Variants in DOCK1 observed in about 807,000 individuals in gnomAD.
The protein encoded by DOCK1 is dedicator of cytokinesis protein 1.
DOCK1 carries 138 observed loss-of-function variants against 262.7 expected under a neutral mutation model. The ratio of observed to expected loss-of-function variants is 0.53; its 90% CI spans 0.46 to 0.61. The LOEUF (loss-of-function observed/expected upper bound fraction) is 0.61, where lower values mean the gene tolerates loss of function less well. Among genes scored for constraint, DOCK1 ranks in the 20% least tolerant of loss-of-function variants. The pLI is 0.00. For missense variants in DOCK1, 1,908 were observed against 2,370.7 expected (o/e 0.80, Z 4.05); for synonymous variants, 866 against 867.4 (o/e 1.00, Z 0.03).
chr10:127,176,378 G>C lies in DOCK1; in HGVS notation c.2847+48614G>C, dbSNP rs372783138. ...CCGACGTTGTGAGTATGCATTTGCC[G>C]GTGTCCTTACTGACCATGGTTCCTG... On this transcript the variant is annotated intron_variant, in intron 27 of 51. Coordinates refer to ENST00000623213, the MANE Select transcript of DOCK1 (RefSeq NM_001290223.2). This position sits in a 1 kb window ranked among gnomAD's most constrained non-coding sequence, Gnocchi z 4.4. 3.1e-6 allele frequency: 5 copies of C among 1,608,766 alleles called. No homozygotes were observed. Among genetic ancestry groups the C allele is most frequent in the South Asian group, 1.1e-5 (1 of 90,532 alleles).
At chr10:127,017,808 G>A (rs548106474) in intron 12 of DOCK1, among the ~76,000 whole-genome samples, 8 of 54,554 alleles carry the variant, frequency 1.5e-4, no homozygotes, top group Admixed American at 1.2e-3. Context: ...AAAAGATGCC[G>A]TCGTCGTAGA....
intron 23 of DOCK1, among the ~76,000 whole-genome samples, chr10:127,082,838 T>C (rs1200060370): frequency 6.6e-6 from 1 of 152,166 alleles, no homozygotes; most frequent in Non-Finnish European, 1.5e-5. Flanking sequence ...TTGGCTCCCT[T>C]CTTGTCTCTG....
At chr10:127,438,873 C>T (rs762808576) in intron 48 of DOCK1, among the ~76,000 whole-genome samples, 154 bp from the exon 49 acceptor site, 8 of 152,216 alleles carry the variant, frequency 5.3e-5, no homozygotes, top group Non-Finnish European at 1.0e-4. Flanking sequence ...GTCCTTGCAT[C>T]TGGTGACTGT....
At chr10:127,251,934 C>T (rs1051192704) in intron 28 of DOCK1, among the ~76,000 whole-genome samples, 1 of 151,984 alleles carries the variant, frequency 6.6e-6, no homozygotes, top group African/African-American at 2.4e-5. Context: ...ATTTCTAGTT[C>T]TAGATCCCTG....
intron 6 of DOCK1, among the ~76,000 whole-genome samples, chr10:126,993,365 C>T (rs770546221): frequency 7.2e-5 from 11 of 152,182 alleles, no homozygotes; most frequent in Non-Finnish European, 1.5e-4. Context: ...CCATGCCCTA[C>T]CCACAGTAGT....
At chr10:127,047,118 A>C (rs955409384) in intron 21 of DOCK1, among the ~76,000 whole-genome samples, 10 of 152,170 alleles carry the variant, frequency 6.6e-5, no homozygotes, top group Admixed American at 5.2e-4. Context: ...TCAGTACATT[A>C]AAAAATGACC....
chr10:127,112,439 T>C (rs2048926055), intron 25 of DOCK1, among the ~76,000 whole-genome samples: 1 of 152,254 alleles, frequency 6.6e-6, no homozygotes, highest in African/African-American at 2.4e-5. Context: ...TGTCCCTCTT[T>C]CCTATGCCCC....
chr10:127,401,180 C>G (rs955480581), intron 38 of DOCK1, among the ~76,000 whole-genome samples: 1 of 152,078 alleles, frequency 6.6e-6, no homozygotes, highest in Non-Finnish European at 1.5e-5. Flanking sequence ...CCCCTTCTCC[C>G]AAACTGCCTT....
chr10:126,908,947 A>C (rs149881912), intron 1 of DOCK1, among the ~76,000 whole-genome samples: 2 of 152,304 alleles, frequency 1.3e-5, no homozygotes, highest in Non-Finnish European at 2.9e-5. Context: ...ACATCTCAAC[A>C]ATGGTGTTGA....
rs548476741 is a variant in DOCK1 at position 127,343,843 on chromosome 10, G to A, written c.3224+97G>A. The A allele has an allele frequency of 6.6e-5, 67 of 1,011,086 alleles. 1 individual carries two copies. The South Asian group carries it at 9.5e-4, about 14-fold the overall frequency. 62.6% of individuals were successfully genotyped at this position (1,011,086 alleles called of 1,614,324 possible). A position where few individuals can be genotyped will look rare whatever the true frequency, so the allele number is the denominator to read the frequency against. ...TCTAAGCCAACTTGATACAAATTGA[G>A]ATGTAATCACGGTGTAATGAAAGGG... On this transcript the variant is annotated intron_variant, in intron 31 of 51. Transcript: ENST00000623213.
chr10:127,299,018 C>T (rs1030130727), intron 29 of DOCK1, among the ~76,000 whole-genome samples: 11 of 152,138 alleles, frequency 7.2e-5, no homozygotes, highest in Admixed American at 2.0e-4. Context: ...ATTCCTGTCA[C>T]CTGTGATTGT....
At chr10:127,340,984 A>C (rs1391636282) in intron 30 of DOCK1, among the ~76,000 whole-genome samples, 1 of 152,136 alleles carries the variant, frequency 6.6e-6, no homozygotes, top group Non-Finnish European at 1.5e-5. Flanking sequence ...TTTTACAGCT[A>C]TCTGGTTTCA....
chr10:126,960,358 G>T (rs1247070598), intron 1 of DOCK1, among the ~76,000 whole-genome samples: 1 of 151,800 alleles, frequency 6.6e-6, no homozygotes, highest in East Asian at 2.0e-4. Context: ...GGTCCTCAGT[G>T]GTGGCTGCAC....
chr10:127,027,810 C>T (rs1031842842), intron 16 of DOCK1, among the ~76,000 whole-genome samples: 2 of 151,868 alleles, frequency 1.3e-5, no homozygotes, highest in South Asian at 2.1e-4. Flanking sequence ...GACAGGGGGG[C>T]TGCAGGAGAG....
intron 49 of DOCK1, among the ~76,000 whole-genome samples, chr10:127,441,729 T>G (rs2070161447): frequency 2.1e-5 from 1 of 47,410 alleles, no homozygotes; most frequent in Admixed American, 2.8e-4. Flanking sequence ...CTCCTTGCCC[T>G]TCCCCCCTGC....
intron 35 of DOCK1, among the ~76,000 whole-genome samples, chr10:127,378,372 CTGCAAGCT>C (rs1447361926): frequency 6.6e-6 from 1 of 152,206 alleles, no homozygotes; most frequent in Non-Finnish European, 1.5e-5. Context: ...GGGAGCTGAG[CTGCAAGCT>C]TGGCACAGAT....
intron 48 of DOCK1, among the ~76,000 whole-genome samples, chr10:127,435,405 G>A (rs2069618215): frequency 6.6e-6 from 1 of 152,144 alleles, no homozygotes. Flanking sequence ...AACGACTGAT[G>A]TGCCCGATGG....
intron 29 of DOCK1, among the ~76,000 whole-genome samples, chr10:127,276,633 GATCTTTTTTCC>G (rs1479515505): frequency 1.3e-5 from 2 of 152,154 alleles, no homozygotes; most frequent in Admixed American, 1.3e-4. Flanking sequence ...CAGGCAGCCT[GATCTTTTTTCC>G]ATTTTGTTTA....
chr10:126,925,625 G>A (rs914183223), intron 1 of DOCK1, among the ~76,000 whole-genome samples: 2 of 152,070 alleles, frequency 1.3e-5, no homozygotes, highest in African/African-American at 2.4e-5. Context: ...CTCGTGATCC[G>A]CCTGCCTCGG....
Sources: gnomAD v4.1 joint callset for allele counts (sites outside exome capture counted in the v4.1 genomes callset) on GRCh38, gnomAD v4.1.1 for gene constraint, Gnocchi (gnomAD v3.1) non-coding constraint, MANE v1.5 for transcripts, NCBI Gene and HGNC (gene_info 2026-07-23, HGNC 2026-07-21) for gene names.